The following SH3GL3 variants were observed in gnomAD, a reference collection of about 807,000 sequenced individuals.
SH3GL3 encodes the protein endophilin-A3.
Under a neutral mutation model 47.7 loss-of-function variants are expected in SH3GL3, and 33 were observed. That is an observed-to-expected ratio of 0.69 (90% CI 0.52 to 0.92). The LOEUF (loss-of-function observed/expected upper bound fraction) is 0.92. SH3GL3 is among the 40% of genes least tolerant of loss of function. SH3GL3 has a pLI of 0.00. For missense variants in SH3GL3, 363 were observed against 417.8 expected, an observed-to-expected ratio of 0.87 and a Z score of 1.14; for synonymous variants, 155 against 148.8, an observed-to-expected ratio of 1.04 and a Z score of -0.30.
At chr15:83,484,767 T>C (rs2041518031) in intron 1 of SH3GL3, among the ~76,000 whole-genome samples, 1 of 152,204 alleles carries the variant, frequency 6.6e-6, no homozygotes, top group Non-Finnish European at 1.5e-5. Context: ...ACTTTGCCAT[T>C]TTGAGTTCTT....
chr15:83,583,703 C>T (rs1036625671), intron 6 of SH3GL3, among the ~76,000 whole-genome samples: 2 of 152,066 alleles, frequency 1.3e-5, no homozygotes, highest in Admixed American at 6.5e-5. Flanking sequence ...AGGTGACACA[C>T]GTGTGTCACT....
At chr15:83,467,341 G>A (rs2040615065) in intron 1 of SH3GL3, among the ~76,000 whole-genome samples, 1 of 152,174 alleles carries the variant, frequency 6.6e-6, no homozygotes, top group Non-Finnish European at 1.5e-5. Context: ...AATCAACTGA[G>A]CATATTTGTG....
At chr15:83,491,469 A>G (rs1035714718) in intron 1 of SH3GL3, among the ~76,000 whole-genome samples, 2 of 152,166 alleles carry the variant, frequency 1.3e-5, no homozygotes, top group African/African-American at 4.8e-5. Flanking sequence ...TTTCTTGTGA[A>G]GTGGTATGGA....
chr15:83,565,048 A>G (rs978373819), intron 2 of SH3GL3, 86 bp from the exon 3 acceptor site: 2 of 598,278 alleles, frequency 3.3e-6, no homozygotes, highest in African/African-American at 1.9e-5. Context: ...GAAGAATTAA[A>G]TTAATGAAAA....
intron 1 of SH3GL3, among the ~76,000 whole-genome samples, chr15:83,508,911 T>A (rs1380092943): frequency 6.6e-6 from 1 of 152,116 alleles, no homozygotes; most frequent in African/African-American, 2.4e-5. Context: ...AAAAGATCAT[T>A]CTGGTTGCTC....
chr15:83,576,501 A>G (rs2059683340), intron 5 of SH3GL3, 82 bp from the exon 6 acceptor site: 2 of 1,320,148 alleles, frequency 1.5e-6, no homozygotes, highest in Middle Eastern at 2.0e-4. Context: ...AGAAAAAGCA[A>G]TGACCATTTT....
chr15:83,490,849 G>A, intron 1 of SH3GL3: 1 of 1,614,178 alleles, frequency 6.2e-7, no homozygotes, highest in Non-Finnish European at 8.5e-7. Context: ...TGGAATCTTT[G>A]CTGGGATAAT....
chr15:83,579,077 C>T (rs150793852), intron 6 of SH3GL3, among the ~76,000 whole-genome samples: 11 of 152,308 alleles, frequency 7.2e-5, no homozygotes, highest in African/African-American at 2.4e-4. Context: ...CAGTTTTCCC[C>T]CTCAGTATCA....
chr15:83,605,948 T>C (rs1423941223), intron 8 of SH3GL3, among the ~76,000 whole-genome samples: 3 of 152,164 alleles, frequency 2.0e-5, no homozygotes, highest in Admixed American at 2.0e-4. Context: ...CTTCCCCACT[T>C]GTGGGGAATT....
At position 83,576,659 on chromosome 15, in the gene SH3GL3, A is replaced by C. The variant is rs2059689498; in HGVS notation, c.542A>C (p.Glu181Ala). ...KKKRVGKIPD[E>A]EVRQAVEKFE... ...AAACGAGTAGGTAAGATACCAGACG[A>C]AGAAGTCAGACAAGCGGTAGAAAAA... Residue 181 changes from glutamate (E) to alanine (A), a missense_variant, in exon 6 of 9, where the codon GAA becomes GCA. Coordinates refer to ENST00000427482, the MANE Select transcript of SH3GL3 (RefSeq NM_003027.5). 6.2e-7 allele frequency: 1 copy of C among 1,613,852 alleles called. No homozygotes were observed. The highest frequency in any genetic ancestry group is 1.3e-5 in the African/African-American group (1 of 74,912).
chr15:83,504,769 C>G (rs2042426262), intron 1 of SH3GL3, among the ~76,000 whole-genome samples: 1 of 152,198 alleles, frequency 6.6e-6, no homozygotes, highest in Non-Finnish European at 1.5e-5. Context: ...CTAAGCTGCT[C>G]CTGGATTCCT....
intron 3 of SH3GL3, among the ~76,000 whole-genome samples, chr15:83,567,975 T>C (rs1466185849): frequency 6.6e-6 from 1 of 151,504 alleles, no homozygotes; most frequent in East Asian, 1.9e-4. Context: ...TTTTCTTTCT[T>C]TCTTTCTTTC....
intron 3 of SH3GL3, among the ~76,000 whole-genome samples, chr15:83,566,365 AGTGTGTGTGTGTGTGTGTGTGTGT>A (rs57323112): frequency 1.5e-5 from 2 of 136,626 alleles, no homozygotes; most frequent in East Asian, 2.2e-4. Context: ...AGAGAGAGAG[AGTGTGTGTGTGTGTGTGTGTGTGT>A]GTGTGTGTGT....
At chr15:83,599,074 T>C (rs372611036) in intron 8 of SH3GL3, among the ~76,000 whole-genome samples, 2 of 152,238 alleles carry the variant, frequency 1.3e-5, no homozygotes, top group African/African-American at 2.4e-5. Context: ...GTAGAATTCA[T>C]TGGTGCCAAT....
At chr15:83,509,106 A>G (rs1224893252) in intron 1 of SH3GL3, among the ~76,000 whole-genome samples, 1 of 152,136 alleles carries the variant, frequency 6.6e-6, no homozygotes, top group Admixed American at 6.5e-5. Flanking sequence ...AAAAATACAT[A>G]TTTTTCTTGA....
At chr15:83,490,660 TG>T in intron 1 of SH3GL3, 1 of 1,034,476 alleles carries the variant, frequency 9.7e-7, no homozygotes, top group Non-Finnish European at 1.4e-6. Flanking sequence ...GCTTTCTATC[TG>T]GGCAGGATAG....
At chr15:83,530,730 T>C (rs2043632444) in intron 1 of SH3GL3, among the ~76,000 whole-genome samples, 1 of 152,176 alleles carries the variant, frequency 6.6e-6, no homozygotes, top group African/African-American at 2.4e-5. Flanking sequence ...GTGCTTTTTT[T>C]CTTATGTTGA....
chr15:83,495,903 G>A (rs1404102839), intron 1 of SH3GL3, among the ~76,000 whole-genome samples: 2 of 151,928 alleles, frequency 1.3e-5, no homozygotes, highest in African/African-American at 4.8e-5. Flanking sequence ...GTGTGTGTTT[G>A]TGTGTGTGTA....
At chr15:83,610,586 A>G (rs1011545055) in intron 8 of SH3GL3, among the ~76,000 whole-genome samples, 4 of 152,172 alleles carry the variant, frequency 2.6e-5, no homozygotes, top group African/African-American at 9.7e-5. Context: ...GAGTGGGGAT[A>G]AGACCACAAA....
Sources: gnomAD v4.1 joint callset for allele counts (sites outside exome capture counted in the v4.1 genomes callset) on GRCh38, gnomAD v4.1.1 for gene constraint, MANE v1.5 for transcripts, NCBI Gene and HGNC (gene_info 2026-07-23, HGNC 2026-07-21) for gene names.